Variants in ERI3 observed in about 807,000 individuals in gnomAD.
The protein encoded by ERI3 is ERI1 exoribonuclease family member 3.
In ERI3, 18 loss-of-function variants were observed where a neutral mutation model predicts 44.4. The ratio of observed to expected loss-of-function variants is 0.41; its 90% CI spans 0.28 to 0.60. ERI3 has a LOEUF of 0.60. ERI3 is among the 20% of genes least tolerant of loss of function. ERI3 has a pLI of 0.36. For missense variants in ERI3, 294 were observed against 435.5 expected (o/e 0.68, Z 2.89); for synonymous variants, 183 against 164.8 (o/e 1.11, Z -0.84).
intron 5 of ERI3, among the ~76,000 whole-genome samples, chr1:44,311,332 C>G (rs955060184): frequency 6.6e-6 from 1 of 152,068 alleles, no homozygotes; most frequent in African/African-American, 2.4e-5. Flanking sequence ...CACCTTTTAC[C>G]ATGAGTCAGG....
intron 8 of ERI3, among the ~76,000 whole-genome samples, chr1:44,231,836 C>T (rs566911011): frequency 6.6e-6 from 1 of 152,250 alleles, no homozygotes; most frequent in South Asian, 2.1e-4. Context: ...GGTAAGTTTG[C>T]TGAAAGGCCT....
intron 7 of ERI3, among the ~76,000 whole-genome samples, chr1:44,279,581 T>A (rs1645245806): frequency 6.6e-6 from 1 of 152,136 alleles, no homozygotes; most frequent in Non-Finnish European, 1.5e-5. Context: ...CCTATGTACT[T>A]AACTGCCTCC....
intron 2 of ERI3, among the ~76,000 whole-genome samples, chr1:44,351,311 G>A (rs1646885592): frequency 6.6e-6 from 1 of 152,178 alleles, no homozygotes; most frequent in African/African-American, 2.4e-5. Context: ...TGGGATTACA[G>A]GCGTGAGCCA....
intron 7 of ERI3, among the ~76,000 whole-genome samples, chr1:44,255,622 T>G (rs1407564753): frequency 6.6e-6 from 1 of 152,202 alleles, no homozygotes; most frequent in African/African-American, 2.4e-5. Flanking sequence ...TTCTATTGCC[T>G]ACCTCGAATC....
rs533665595 is a variant in ERI3 at position 44,269,333 on chromosome 1, C to T, written c.831+15502G>A. ...CAGAGCCCACGTCTTTAGTTTCTAGCGTCAAGTTCAGTCCAGATTTCTCTA... is the reference window on the plus strand; with the variant it reads ...CAGAGCCCACGTCTTTAGTTTCTAGTGTCAAGTTCAGTCCAGATTTCTCTA... On this transcript the variant is annotated intron_variant, in intron 7 of 8. Transcript: ENST00000372257. Among the ~76,000 whole-genome samples the T allele has an allele frequency of 3.3e-5, 5 of 152,276 alleles. No individual in the cohort carries two copies. In the South Asian group the frequency reaches 6.2e-4, roughly 19 times the overall value.
At chr1:44,294,266 G>A (rs1036084223) in intron 6 of ERI3, among the ~76,000 whole-genome samples, 1 of 152,168 alleles carries the variant, frequency 6.6e-6, no homozygotes, top group Non-Finnish European at 1.5e-5. Flanking sequence ...CAGGCTGCTG[G>A]TGCCATGTTG....
chr1:44,296,631 T>C (rs1286366600), intron 6 of ERI3, among the ~76,000 whole-genome samples: 1 of 152,178 alleles, frequency 6.6e-6, no homozygotes, highest in East Asian at 1.9e-4. Context: ...CAGGTGAAGC[T>C]GGTCTCAATG....
chr1:44,294,304 A>G (rs1357994807), intron 6 of ERI3, among the ~76,000 whole-genome samples: 1 of 152,152 alleles, frequency 6.6e-6, no homozygotes, highest in Non-Finnish European at 1.5e-5. Context: ...AAAGTTGCTC[A>G]AAGTCTCCAA....
At chr1:44,353,936 A>G in intron 1 of ERI3, 1 of 985,390 alleles carries the variant, frequency 1.0e-6, no homozygotes, top group Non-Finnish European at 1.2e-6. Context: ...AACCAGGATC[A>G]CAGACACACA....
At chr1:44,295,319 A>T (rs1181766813) in intron 6 of ERI3, among the ~76,000 whole-genome samples, 2 of 152,196 alleles carry the variant, frequency 1.3e-5, no homozygotes, top group Non-Finnish European at 2.9e-5. Flanking sequence ...CTACCATTCC[A>T]TCTCTCTACA....
At chr1:44,260,570 G>C (rs1262821150) in intron 7 of ERI3, among the ~76,000 whole-genome samples, 1 of 152,184 alleles carries the variant, frequency 6.6e-6, no homozygotes, top group Non-Finnish European at 1.5e-5. Context: ...ATGGCTAGAA[G>C]GGAGTACCTT....
chr1:44,342,834 TATATATATATATATATATATA>T (rs1646695048), intron 2 of ERI3, among the ~76,000 whole-genome samples: 1 of 22,238 alleles, frequency 4.5e-5, no homozygotes, highest in Non-Finnish European at 8.1e-5. Context: ...TATATATATA[TATATATATATATATATATATA>T]TATTTTTTTT....
rs116628626 is a variant in ERI3 at position 44,345,037 on chromosome 1, A to G, written c.212-5715T>C. ...GCAGCCATTACTGTCTATCAGGTAA[A>G]TAACACATGTGCCAAAACACACATT... is the stretch of plus-strand genomic sequence containing the variant. On this transcript the variant is annotated intron_variant, in intron 2 of 8. Transcript: ENST00000372257. Among the ~76,000 whole-genome samples the G allele has an allele frequency of 2.3e-3, 349 of 152,374 alleles. 3 individuals are homozygous for G. The highest frequency in any genetic ancestry group is 4.3e-3 in the Non-Finnish European group (295 of 68,042).
chr1:44,332,842 GA>G (rs1646459008), intron 3 of ERI3, among the ~76,000 whole-genome samples: 1 of 152,182 alleles, frequency 6.6e-6, no homozygotes, highest in African/African-American at 2.4e-5. Context: ...TTGGAAGGAG[GA>G]GGGGCAAGGA....
chr1:44,352,986 T>C, intron 1 of ERI3, 61 bp from the exon 2 acceptor site: 2 of 1,610,050 alleles, frequency 1.2e-6, no homozygotes, highest in Middle Eastern at 1.7e-4. Flanking sequence ...CAAATCCCCA[T>C]GAAGGATACT....
intron 7 of ERI3, among the ~76,000 whole-genome samples, chr1:44,254,993 C>T (rs1644753203): frequency 6.6e-6 from 1 of 152,000 alleles, no homozygotes; most frequent in South Asian, 2.1e-4. Flanking sequence ...TTTCACATAA[C>T]TTCTCTGTGT....
At chr1:44,268,735 C>G (rs889401594) in intron 7 of ERI3, among the ~76,000 whole-genome samples, 2 of 152,174 alleles carry the variant, frequency 1.3e-5, no homozygotes, top group Non-Finnish European at 2.9e-5. Flanking sequence ...TAGTCTCTAC[C>G]TGGGCATCAC....
chr1:44,332,715 C>G (rs1451018142), intron 3 of ERI3, among the ~76,000 whole-genome samples: 2 of 152,236 alleles, frequency 1.3e-5, no homozygotes, highest in African/African-American at 2.4e-5. Context: ...GACTCGGACA[C>G]AGCAAACGCT....
In ERI3 at chr1:44,265,221, A is replaced by C. The variant is rs553352123; in HGVS notation, c.832-17183T>G. Among the ~76,000 whole-genome samples the C allele has an allele frequency of 1.1e-3, 161 of 152,336 alleles. 1 individual carries two copies. The Middle Eastern group carries it at 0.02, about 19-fold the overall frequency. On this transcript the variant is annotated intron_variant, in intron 7 of 8. Transcript: ENST00000372257. Reference sequence around the variant, plus strand: ...TGCTACCCTGGGGACAACTCAAGGAAGTTTCTCAGATCACCTGTTGTTGGT... The same window carrying C: ...TGCTACCCTGGGGACAACTCAAGGACGTTTCTCAGATCACCTGTTGTTGGT...
Sources: allele counts gnomAD v4.1 joint callset (sites outside exome capture counted in the v4.1 genomes callset), GRCh38; gene constraint gnomAD v4.1.1; transcripts MANE v1.5; gene names NCBI Gene and HGNC (gene_info 2026-07-23, HGNC 2026-07-21).